Variants in TMEM178A observed in about 807,000 individuals in gnomAD.
TMEM178A encodes transmembrane protein 178A.
In TMEM178A, 12 loss-of-function variants were observed where a neutral mutation model predicts 29.1. That is an observed-to-expected ratio of 0.41 (90% CI 0.26 to 0.67). TMEM178A has a LOEUF of 0.67. TMEM178A is among the 30% of genes least tolerant of loss of function. The pLI, the probability that TMEM178A is intolerant of heterozygous loss-of-function variation, is 0.29. For synonymous variants in TMEM178A, 210 were observed against 187.2 expected (o/e 1.12, Z -0.99); for missense variants, 366 against 419.1 (o/e 0.87, Z 1.11).
chr2:39,704,865 C>A (rs1671955802), intron 2 of TMEM178A, among the ~76,000 whole-genome samples: 1 of 152,174 alleles, frequency 6.6e-6, no homozygotes, highest in Non-Finnish European at 1.5e-5. Flanking sequence ...TGTCATTTTC[C>A]AATGAAATAA....
the TMEM178A span, among the ~76,000 whole-genome samples, chr2:39,723,221 G>T: frequency 6.6e-6 from 1 of 152,204 alleles, no homozygotes; most frequent in Non-Finnish European, 1.5e-5. Context: ...TCACTCAGCT[G>T]TGGCTTCAGT....
chr2:39,735,568 C>G, the TMEM178A span, among the ~76,000 whole-genome samples: 2 of 152,332 alleles, frequency 1.3e-5, no homozygotes, highest in Middle Eastern at 6.8e-3. Flanking sequence ...CCCAAGTAGG[C>G]CAGATACCGA....
intron 1 of TMEM178A, among the ~76,000 whole-genome samples, chr2:39,669,798 G>T (rs1422446976): frequency 3.3e-5 from 5 of 152,150 alleles, no homozygotes; most frequent in African/African-American, 7.2e-5. Context: ...TCACTATCTT[G>T]TTCACTGGGA....
intron 1 of TMEM178A, among the ~76,000 whole-genome samples, chr2:39,673,488 C>G (rs13008951): frequency 6.6e-6 from 1 of 152,178 alleles, no homozygotes; most frequent in Non-Finnish European, 1.5e-5. Context: ...AAAAATCAAT[C>G]AACTCATTTT....
intron 1 of TMEM178A, among the ~76,000 whole-genome samples, chr2:39,675,791 T>G (rs1670598109): frequency 6.6e-6 from 1 of 152,180 alleles, no homozygotes; most frequent in Non-Finnish European, 1.5e-5. Flanking sequence ...AACGATTTTC[T>G]TTTTTAGAGA....
rs79715637 is a variant in TMEM178A at position 39,674,892 on chromosome 2, C to T, written c.400+8518C>T. On this transcript the variant is annotated intron_variant, in intron 1 of 3. Transcript: ENST00000281961. Reference sequence around the variant, plus strand: ...CAAGTTGGTAGGAGGAAAATAAGCACGCGTAGAATAAAAAATTCATAGAGT... The same window carrying T: ...CAAGTTGGTAGGAGGAAAATAAGCATGCGTAGAATAAAAAATTCATAGAGT... Among the ~76,000 whole-genome samples, 630 of 151,992 alleles carry T rather than the reference C, an allele frequency of 4.1e-3. 1 individual carries two copies. Among genetic ancestry groups the T allele is most frequent in the African/African-American group, 0.014 (588 of 41,456 alleles).
intron 3 of TMEM178A, among the ~76,000 whole-genome samples, chr2:39,709,885 A>G (rs1444786635): frequency 6.6e-6 from 1 of 152,256 alleles, no homozygotes; most frequent in Non-Finnish European, 1.5e-5. Context: ...GCTCTTAGCA[A>G]ATGAAACAAT....
Position 39,717,844 on chromosome 2 carries a change from A to G in TMEM178A, c.*593A>G, listed in dbSNP as rs1672613786. Reference sequence around the variant, plus strand: ...GGAATCGAAATCATAAGATAAACAGATCAAACGTGCTTAAGAGCTAACTCG... The same window carrying G: ...GGAATCGAAATCATAAGATAAACAGGTCAAACGTGCTTAAGAGCTAACTCG... On this transcript the variant is annotated 3_prime_UTR_variant, in exon 4 of 4. Coordinates refer to ENST00000281961, the MANE Select transcript of TMEM178A (RefSeq NM_152390.3). The G allele has an allele frequency of 6.5e-6, 1 of 152,918 alleles. No individual in the cohort carries two copies. Among genetic ancestry groups the G allele is most frequent in the Admixed American group, 6.5e-5 (1 of 15,388 alleles). The allele number at this position is 152,918 out of a possible 1,614,324, so 9.5% of individuals were successfully genotyped here. A position where few individuals can be genotyped will look rare whatever the true frequency, so the allele number is the denominator to read the frequency against.
intron 1 of TMEM178A, among the ~76,000 whole-genome samples, chr2:39,682,293 G>C (rs1407500295): frequency 6.6e-6 from 1 of 151,880 alleles, no homozygotes; most frequent in Admixed American, 6.6e-5. Context: ...TTATCAGTGT[G>C]AACTATGATG....
chr2:39,731,754 TGGAAATTAGTCAGCA>T, the TMEM178A span, among the ~76,000 whole-genome samples: 1 of 152,300 alleles, frequency 6.6e-6, no homozygotes, highest in South Asian at 2.1e-4. Flanking sequence ...TCACTGCTGC[TGGAAATTAGTCAGCA>T]GTGGCAGTGG....
At chr2:39,733,768 A>G in the TMEM178A span, among the ~76,000 whole-genome samples, 1 of 152,182 alleles carries the variant, frequency 6.6e-6, no homozygotes, top group South Asian at 2.1e-4. Flanking sequence ...TAGTGCATAA[A>G]TTTGAGAATG....
At chr2:39,715,399 G>A (rs1393597281) in intron 3 of TMEM178A, among the ~76,000 whole-genome samples, 4 of 152,068 alleles carry the variant, frequency 2.6e-5, no homozygotes, top group African/African-American at 9.7e-5. Context: ...CTTTGTTTTG[G>A]TGCCAGTGAA....
At chr2:39,734,113 T>C in the TMEM178A span, among the ~76,000 whole-genome samples, 3 of 152,196 alleles carry the variant, frequency 2.0e-5, no homozygotes, top group Non-Finnish European at 4.4e-5. Context: ...GTAAGAACTG[T>C]CTATGCTCAC....
chr2:39,665,842 G>T, upstream of TMEM178A: 6 of 855,758 alleles, frequency 7.0e-6, no homozygotes, highest in South Asian at 3.3e-5. Flanking sequence ...CTCGCAGGGC[G>T]AGGAGGCCGT....
chr2:39,730,346 G>T, the TMEM178A span, among the ~76,000 whole-genome samples: 1 of 152,164 alleles, frequency 6.6e-6, no homozygotes, highest in Non-Finnish European at 1.5e-5. Context: ...CTACATTCAA[G>T]CTCAGATTCC....
the TMEM178A span, among the ~76,000 whole-genome samples, chr2:39,723,145 G>A: frequency 6.6e-6 from 1 of 152,170 alleles, no homozygotes; most frequent in Admixed American, 6.5e-5. Flanking sequence ...AGCTTTGCCT[G>A]TTAGGTTGAT....
At position 39,682,413 on chromosome 2, in the gene TMEM178A, A is replaced by AT. The variant is rs369530352; in HGVS notation, c.400+16045dup. On this transcript the variant is annotated intron_variant, in intron 1 of 3. Transcript: ENST00000281961. Reference sequence around the variant, plus strand: ...TTTTTTAAATATTGTGCTTGTTTTGATTTTTTAAAATGCTTATTGCCTTCC... The same window carrying AT: ...TTTTTTAAATATTGTGCTTGTTTTGATTTTTTTAAAATGCTTATTGCCTTCC... 2.6e-3 allele frequency among the ~76,000 whole-genome samples: 388 copies of AT among 151,096 alleles called. 4 individuals carry two copies. Among genetic ancestry groups the AT allele is most frequent in the African/African-American group, 8.9e-3 (367 of 41,126 alleles).
chr2:39,669,784 C>T (rs1670334079), intron 1 of TMEM178A, among the ~76,000 whole-genome samples: 1 of 152,226 alleles, frequency 6.6e-6, no homozygotes, highest in Admixed American at 6.5e-5. Flanking sequence ...GACCAATCCA[C>T]ATTTCACTAT....
intron 1 of TMEM178A, among the ~76,000 whole-genome samples, chr2:39,698,629 G>A (rs921350555): frequency 6.6e-6 from 1 of 151,460 alleles, no homozygotes; most frequent in East Asian, 1.9e-4. Flanking sequence ...TTCTTGTGGT[G>A]TCTTTGGTTT....
Sources: allele counts gnomAD v4.1 joint callset (sites outside exome capture counted in the v4.1 genomes callset), GRCh38; gene constraint gnomAD v4.1.1; transcripts MANE v1.5; gene names NCBI Gene and HGNC (gene_info 2026-07-23, HGNC 2026-07-21).